The following LRRC4C variants were observed in gnomAD, a reference collection of about 807,000 sequenced individuals.
LRRC4C encodes leucine rich repeat containing 4C.
In LRRC4C, 5 loss-of-function variants were observed where a neutral mutation model predicts 33.6. That is an observed-to-expected ratio of 0.15 (90% confidence interval 0.08 to 0.31). The LOEUF (loss-of-function observed/expected upper bound fraction) is 0.31. Ranked by LOEUF, LRRC4C falls within the 10% of genes least tolerant of loss-of-function variation. The pLI is 1.00. For synonymous variants in LRRC4C, 329 were observed against 302.0 expected (o/e 1.09, Z -0.93); for missense variants, 560 against 796.7 (o/e 0.70, Z 3.58).
At chr11:40,690,343 C>T (rs1328191459) in intron 2 of LRRC4C, among the ~76,000 whole-genome samples, 1 of 152,012 alleles carries the variant, frequency 6.6e-6, no homozygotes. Context: ...AACTAAGTGA[C>T]AGTGATAGGA....
chr11:41,457,384 G>A (rs1395425), intron 1 of LRRC4C, among the ~76,000 whole-genome samples: 20,489 of 151,984 alleles, frequency 0.13, 1,543 homozygotes, highest in Non-Finnish European at 0.15. Flanking sequence ...GTTAATAAAG[G>A]GCTGACCAAC....
chr11:40,462,152 C>G (rs1033439633), intron 3 of LRRC4C, among the ~76,000 whole-genome samples: 2 of 151,868 alleles, frequency 1.3e-5, no homozygotes, highest in African/African-American at 2.4e-5. Flanking sequence ...ATGATATAAG[C>G]CTATGAATTC....
At chr11:41,261,313 A>G (rs1023954506) in intron 1 of LRRC4C, among the ~76,000 whole-genome samples, 6 of 152,140 alleles carry the variant, frequency 3.9e-5, no homozygotes, top group Non-Finnish European at 1.5e-5. Context: ...TGGCCTTCAG[A>G]ACAGTTGAAG....
chr11:40,641,471 C>T (rs1485450506), intron 3 of LRRC4C, among the ~76,000 whole-genome samples: 2 of 152,028 alleles, frequency 1.3e-5, no homozygotes, highest in African/African-American at 4.8e-5. Context: ...AGCAAGCCAA[C>T]GGAATAAAGA....
At chr11:41,244,518 C>T (rs750064556) in intron 1 of LRRC4C, among the ~76,000 whole-genome samples, 13 of 152,206 alleles carry the variant, frequency 8.5e-5, no homozygotes, top group Middle Eastern at 3.4e-3. Flanking sequence ...GCTGAAATAA[C>T]AGGGAAGGTT....
At chr11:40,997,551 T>A (rs1253280843) in intron 1 of LRRC4C, among the ~76,000 whole-genome samples, 1 of 152,138 alleles carries the variant, frequency 6.6e-6, no homozygotes, top group Non-Finnish European at 1.5e-5. Context: ...TATGCAATTA[T>A]TTTGAAAAAG....
chr11:40,991,683 G>A (rs979976480), intron 1 of LRRC4C, among the ~76,000 whole-genome samples: 3 of 152,158 alleles, frequency 2.0e-5, no homozygotes, highest in Non-Finnish European at 4.4e-5. Context: ...AGATCATCAG[G>A]CATTAGATTC....
At chr11:41,275,877 G>T (rs1218963400) in intron 1 of LRRC4C, among the ~76,000 whole-genome samples, 1 of 152,128 alleles carries the variant, frequency 6.6e-6, no homozygotes, top group Non-Finnish European at 1.5e-5. Context: ...AGTAAAGCAT[G>T]ATTTTCTCTA....
At chr11:40,977,890 G>A (rs1406012237) in intron 1 of LRRC4C, among the ~76,000 whole-genome samples, 1 of 152,176 alleles carries the variant, frequency 6.6e-6, no homozygotes, top group African/African-American at 2.4e-5. Context: ...CTGAAGAATT[G>A]TGGGAAGTCA....
chr11:41,311,267 C>A (rs1950635647), intron 1 of LRRC4C, among the ~76,000 whole-genome samples: 1 of 152,084 alleles, frequency 6.6e-6, no homozygotes, highest in Admixed American at 6.6e-5. Flanking sequence ...AATTGGTTCT[C>A]AGTTCTCAGT....
At chr11:40,746,064 T>C (rs1948401748) in intron 2 of LRRC4C, among the ~76,000 whole-genome samples, 1 of 151,902 alleles carries the variant, frequency 6.6e-6, no homozygotes. Context: ...ACTAAAGCAA[T>C]GAAGGAGGAG....
intron 3 of LRRC4C, among the ~76,000 whole-genome samples, chr11:40,538,714 G>A (rs1956581319): frequency 6.6e-6 from 1 of 152,152 alleles, no homozygotes; most frequent in African/African-American, 2.4e-5. Flanking sequence ...TTGAGGAATT[G>A]CCACACTGTC....
At chr11:40,360,069 C>T (rs1406961092) in intron 3 of LRRC4C, among the ~76,000 whole-genome samples, 1 of 152,000 alleles carries the variant, frequency 6.6e-6, no homozygotes, top group African/African-American at 2.4e-5. Flanking sequence ...TTGTATGCCT[C>T]CATAACTCAA....
At chr11:40,822,102 A>G (rs1210745096) in intron 2 of LRRC4C, among the ~76,000 whole-genome samples, 1 of 151,714 alleles carries the variant, frequency 6.6e-6, no homozygotes, top group Admixed American at 6.6e-5. Context: ...GAACACTAGA[A>G]CTTATTCCTT....
intron 1 of LRRC4C, among the ~76,000 whole-genome samples, chr11:41,148,443 G>A (rs890237808): frequency 7.9e-5 from 12 of 152,034 alleles, no homozygotes; most frequent in African/African-American, 2.7e-4. Context: ...ATTTGTCATT[G>A]GATAAATAAA....
At chr11:41,004,411 C>T (rs1208546993) in intron 1 of LRRC4C, among the ~76,000 whole-genome samples, 1 of 152,056 alleles carries the variant, frequency 6.6e-6, no homozygotes, top group African/African-American at 2.4e-5. Context: ...TTCCCTCTGC[C>T]CTGTCACACC....
intron 2 of LRRC4C, among the ~76,000 whole-genome samples, chr11:40,753,052 A>AATTTT (rs965589720): frequency 2.0e-5 from 3 of 151,994 alleles, no homozygotes; most frequent in East Asian, 1.9e-4. Flanking sequence ...TCTCATTCTT[A>AATTTT]ATTTTATTTT....
chr11:41,195,628 C>G (rs1590902592), intron 1 of LRRC4C, among the ~76,000 whole-genome samples: 1 of 152,096 alleles, frequency 6.6e-6, no homozygotes, highest in Non-Finnish European at 1.5e-5. Flanking sequence ...GATGATATGT[C>G]TATTTTATAT....
At chr11:40,823,401 G>T (rs565481361) in intron 2 of LRRC4C, among the ~76,000 whole-genome samples, 1 of 151,386 alleles carries the variant, frequency 6.6e-6, no homozygotes, top group Non-Finnish European at 1.5e-5. Flanking sequence ...TGGGAGAAAA[G>T]TAAAAATAAA....
Sources: allele counts gnomAD v4.1 joint callset (sites outside exome capture counted in the v4.1 genomes callset), GRCh38; gene constraint gnomAD v4.1.1; transcripts MANE v1.5; gene names NCBI Gene and HGNC (gene_info 2026-07-23, HGNC 2026-07-21).